The following COL22A1 variants were observed in gnomAD, a reference collection of about 807,000 sequenced individuals.
COL22A1 encodes collagen alpha-1(XXII) chain.
COL22A1 carries 221 observed loss-of-function variants against 248.9 expected under a neutral mutation model. The observed-to-expected ratio is 0.89, with a 90% CI of 0.80 to 0.99. COL22A1 has a LOEUF of 0.99. Among genes scored for constraint, COL22A1 ranks in the 50% least tolerant of loss-of-function variants. COL22A1 has a pLI of 0.00. For synonymous variants in COL22A1, 891 were observed against 793.4 expected (o/e 1.12, Z -2.07); for missense variants, 2,240 against 2,179.0 (o/e 1.03, Z -0.56).
chr8:138,735,788 G>C (rs191065127), intron 23 of COL22A1, among the ~76,000 whole-genome samples: 2 of 152,206 alleles, frequency 1.3e-5, no homozygotes, highest in Non-Finnish European at 2.9e-5. Flanking sequence ...TGCATCCAAG[G>C]TGCCATCTTT....
intron 3 of COL22A1, among the ~76,000 whole-genome samples, chr8:138,852,760 C>A (rs1821738009): frequency 6.6e-6 from 1 of 151,920 alleles, no homozygotes; most frequent in Non-Finnish European, 1.5e-5. Flanking sequence ...GGGAGGAGAA[C>A]CAGGGAGAGG....
At chr8:138,762,550 T>G in intron 16 of COL22A1, 84 bp from the exon 17 acceptor site, 1 of 1,330,104 alleles carries the variant, frequency 7.5e-7, no homozygotes. Context: ...GTGACCGTCA[T>G]GGACAAGGAG....
At chr8:138,626,414 T>C (rs1391166074) in intron 50 of COL22A1, among the ~76,000 whole-genome samples, 171 bp from the exon 51 acceptor site, 1 of 152,198 alleles carries the variant, frequency 6.6e-6, no homozygotes, top group Admixed American at 6.5e-5. Context: ...CCCAAGGCAG[T>C]GAGGTTCCCT....
chr8:138,760,175 C>G lies in COL22A1; in HGVS notation c.1902+68G>C, dbSNP rs766816174. On this transcript the variant is annotated intron_variant, in intron 18 of 64. Transcript: ENST00000303045. ...GGCCCCTTCCCTGAGCCTGGTTTGC[C>G]AAGGCGGGCAGTCCCCGCACCTGCC... 470 of 1,362,258 alleles carry G rather than the reference C, an allele frequency of 3.5e-4. 4 individuals are homozygous for G. The South Asian group carries it at 4.2e-3, about 12-fold the overall frequency. The allele number at this position is 1,362,258 out of a possible 1,614,324, so 84.4% of individuals were successfully genotyped here.
intron 9 of COL22A1, among the ~76,000 whole-genome samples, chr8:138,809,178 G>A (rs1817971706): frequency 6.6e-6 from 1 of 152,140 alleles, no homozygotes; most frequent in Non-Finnish European, 1.5e-5. Context: ...GAGGGAAGCA[G>A]CAGGCTCCCT....
chr8:138,615,001 C>T lies in COL22A1; in HGVS notation c.3924+1000G>A, dbSNP rs137958095. Among the ~76,000 whole-genome samples, 380 of 152,276 alleles carry T rather than the reference C, an allele frequency of 2.5e-3. 3 individuals carry two copies. Among genetic ancestry groups the T allele is most frequent in the African/African-American group, 8.9e-3 (370 of 41,564 alleles). ...CATGAGACAACTTTGTACCTCAGTA[C>T]CTGGTGCCTCTGCATCTGACCAATC... On this transcript the variant is annotated intron_variant, in intron 55 of 64. Transcript: ENST00000303045.
At chr8:138,784,520 T>C (rs1039940053) in intron 12 of COL22A1, among the ~76,000 whole-genome samples, 2 of 152,176 alleles carry the variant, frequency 1.3e-5, no homozygotes, top group Non-Finnish European at 2.9e-5. Context: ...ATTTAAATTT[T>C]AAAATCTGAG....
intron 23 of COL22A1, among the ~76,000 whole-genome samples, chr8:138,734,318 T>C (rs1830940809): frequency 6.6e-6 from 1 of 152,244 alleles, no homozygotes; most frequent in African/African-American, 2.4e-5. Flanking sequence ...TCTCATGGCA[T>C]AGACTGCAGT....
At chr8:138,601,222 T>C (rs1817979815) in intron 60 of COL22A1, among the ~76,000 whole-genome samples, 1 of 151,734 alleles carries the variant, frequency 6.6e-6, no homozygotes, top group Admixed American at 6.6e-5. Flanking sequence ...TGTCCCTGGC[T>C]CCATCGCTCA....
In COL22A1 at chr8:138,730,760, G is replaced by T. The variant is rs550673363; in HGVS notation, c.2140-5320C>A. On this transcript the variant is annotated intron_variant, in intron 23 of 64. Transcript: ENST00000303045. ...AGAGGAAGGCATGGTAGAGAAATCAGGAGCATCTCGAAAAGTGGGGTGAGC... is the reference window on the plus strand; with the variant it reads ...AGAGGAAGGCATGGTAGAGAAATCATGAGCATCTCGAAAAGTGGGGTGAGC... Among the ~76,000 whole-genome samples the T allele has an allele frequency of 9.9e-5, 15 of 152,176 alleles. No individual in the cohort carries two copies. In the South Asian group the frequency reaches 3.1e-3, roughly 32 times the overall value.
At chr8:138,799,282 G>A (rs1816811227) in intron 11 of COL22A1, among the ~76,000 whole-genome samples, 1 of 152,066 alleles carries the variant, frequency 6.6e-6, no homozygotes, top group Non-Finnish European at 1.5e-5. Context: ...ATGATTGCTT[G>A]GAAGGCTTTG....
chr8:138,809,710 G>A (rs1432115885), intron 9 of COL22A1, among the ~76,000 whole-genome samples: 1 of 151,882 alleles, frequency 6.6e-6, no homozygotes, highest in Non-Finnish European at 1.5e-5. Flanking sequence ...AGTAGAGACA[G>A]GGTTTCACCA....
chr8:138,690,808 C>T lies in COL22A1; in HGVS notation c.2808+13G>A. ...TGGCTGGGCCGTGCGTATGCCCTCT[C>T]CCAATTACTCACCACACTTCCTGGA... On this transcript the variant is annotated intron_variant, in intron 36 of 64. Coordinates refer to ENST00000303045, the MANE Select transcript of COL22A1 (RefSeq NM_152888.3). The T allele has an allele frequency of 6.2e-7, 1 of 1,606,800 alleles. No homozygotes were observed. Among genetic ancestry groups the T allele is most frequent in the Non-Finnish European group, 8.5e-7 (1 of 1,176,544 alleles).
chr8:138,644,900 C>T (rs374474806), intron 47 of COL22A1, among the ~76,000 whole-genome samples: 11 of 152,140 alleles, frequency 7.2e-5, no homozygotes, highest in East Asian at 1.9e-4. Flanking sequence ...ACGGACGGCC[C>T]GCAAGTGCAA....
At chr8:138,652,685 C>G (rs1198633314) in intron 45 of COL22A1, among the ~76,000 whole-genome samples, 3 of 145,182 alleles carry the variant, frequency 2.1e-5, no homozygotes, top group African/African-American at 7.6e-5. Context: ...TTCTTTCCCT[C>G]TAGTCTCTAC....
At chr8:138,833,013 G>T (rs1387170816) in intron 5 of COL22A1, 26 bp downstream of exon 5, 3 of 1,469,674 alleles carry the variant, frequency 2.0e-6, no homozygotes, top group Non-Finnish European at 2.9e-6. Context: ...CCCTGGGCAG[G>T]TCTGGAAAGA....
In COL22A1 at chr8:138,634,939, T is replaced by C. The variant is rs976280343; in HGVS notation, c.3609+71A>G. ...GAGAGATATGCTCAGTGTCATACCA[T>C]GCCTGGTGAGTTGAGATGTGCATTC... On this transcript the variant is annotated intron_variant, in intron 49 of 64. Coordinates refer to ENST00000303045, the MANE Select transcript of COL22A1 (RefSeq NM_152888.3). The C allele has an allele frequency of 1.6e-5, 16 of 1,014,124 alleles. No individual in the cohort carries two copies. The East Asian group carries it at 1.9e-4, about 12-fold the overall frequency. 62.8% of individuals were successfully genotyped at this position (1,014,124 alleles called of 1,614,324 possible).
chr8:138,655,937 G>C lies in COL22A1; in HGVS notation c.3293C>G (p.Ser1098Cys). 1 of 1,611,746 alleles carries C rather than the reference G, an allele frequency of 6.2e-7. No homozygotes were observed. Among genetic ancestry groups the C allele is most frequent in the Non-Finnish European group, 8.5e-7 (1 of 1,178,060 alleles). The change falls in exon 45 of 65, where the codon TCT (serine) becomes TGT (cysteine). Residue 1098 changes from serine to cysteine, a missense_variant. Ser to Cys is a moderately radical substitution (Grantham distance 112). Transcript: ENST00000303045. Reference sequence around the variant, plus strand: ...TATGTCCCCTGGAGACAGTAGTGAAGAGAGGCCCTGTCAAAATAAAAAGAA... The same window carrying C: ...TATGTCCCCTGGAGACAGTAGTGAACAGAGGCCCTGTCAAAATAAAAAGAA... ...ERGPPGKPGL[S>C]SLLSPGDINL... is the part of the protein sequence containing the mutation.
At chr8:138,784,266 T>C (rs1317879461) in intron 12 of COL22A1, among the ~76,000 whole-genome samples, 1 of 151,954 alleles carries the variant, frequency 6.6e-6, no homozygotes, top group Non-Finnish European at 1.5e-5. Context: ...GGCAGACAAG[T>C]GGTTTGGGAA....
Sources: allele counts gnomAD v4.1 joint callset (sites outside exome capture counted in the v4.1 genomes callset), GRCh38; gene constraint gnomAD v4.1.1; transcripts MANE v1.5; gene names NCBI Gene and HGNC (gene_info 2026-07-23, HGNC 2026-07-21).